Variants in UBR3 observed in about 807,000 individuals in gnomAD.
UBR3 encodes the protein E3 ubiquitin-protein ligase UBR3.
UBR3 carries 85 observed loss-of-function variants against 243.2 expected under a neutral mutation model. That is an observed-to-expected ratio of 0.35 (90% CI 0.29 to 0.42). The LOEUF is 0.42. Among genes scored for constraint, UBR3 ranks in the 10% least tolerant of loss-of-function variants. The pLI, the probability that UBR3 is intolerant of heterozygous loss-of-function variation, is 1.00. For synonymous variants in UBR3, 748 were observed against 799.8 expected, an observed-to-expected ratio of 0.94 and a Z score of 1.09; for missense variants, 1,686 against 2,300.8, an observed-to-expected ratio of 0.73 and a Z score of 5.47.
At chr2:170,039,015 T>C (rs903266059) in intron 31 of UBR3, among the ~76,000 whole-genome samples, 1 of 152,080 alleles carries the variant, frequency 6.6e-6, no homozygotes, top group Non-Finnish European at 1.5e-5. Context: ...TTGCTGGACA[T>C]ACAGTCATCA....
chr2:169,932,837 A>G (rs1298236370), intron 18 of UBR3, 75 bp from the exon 19 acceptor site: 1 of 1,235,616 alleles, frequency 8.1e-7, no homozygotes, highest in African/African-American at 1.5e-5. Flanking sequence ...AAATATACTT[A>G]ACAAATGTAA....
intron 32 of UBR3, among the ~76,000 whole-genome samples, chr2:170,049,092 A>G (rs1481732315): frequency 2.0e-5 from 3 of 152,154 alleles, no homozygotes; most frequent in Non-Finnish European, 4.4e-5. Context: ...CCACTCCACC[A>G]TGCAGTTGAA....
At chr2:169,914,872 GTTTT>G (rs202002809) in intron 11 of UBR3, among the ~76,000 whole-genome samples, 4 of 56,602 alleles carry the variant, frequency 7.1e-5, no homozygotes, top group African/African-American at 1.6e-4. Context: ...GTGTGTGTGT[GTTTT>G]TTTTCCTTTC....
intron 11 of UBR3, among the ~76,000 whole-genome samples, chr2:169,915,343 C>G (rs543440121): frequency 1.3e-5 from 2 of 152,284 alleles, no homozygotes; most frequent in African/African-American, 4.8e-5. Flanking sequence ...AAACAATTCT[C>G]CTGTCTCAGC....
chr2:169,895,852 G>A (rs918715623), intron 7 of UBR3, among the ~76,000 whole-genome samples: 1 of 152,040 alleles, frequency 6.6e-6, no homozygotes, highest in Non-Finnish European at 1.5e-5. Flanking sequence ...GCAAAATGAC[G>A]AAGCTCGGTG....
At chr2:170,000,897 GCATTAA>G (rs2089671493) in intron 26 of UBR3, among the ~76,000 whole-genome samples, 1 of 152,168 alleles carries the variant, frequency 6.6e-6, no homozygotes, top group South Asian at 2.1e-4. Flanking sequence ...CGAGAGAGTA[GCATTAA>G]ACCAGAGGAA....
At chr2:170,016,813 T>A (rs763965943) in intron 30 of UBR3, 10 of 653,320 alleles carry the variant, frequency 1.5e-5, no homozygotes, top group Non-Finnish European at 1.6e-5. Context: ...TAATTTAAAT[T>A]GTTAAATTTA....
chr2:169,838,306 G>A (rs2082171860), intron 1 of UBR3, among the ~76,000 whole-genome samples: 1 of 151,886 alleles, frequency 6.6e-6, no homozygotes, highest in South Asian at 2.1e-4. Flanking sequence ...TGTTTGTGCT[G>A]CTGTTACATC....
intron 24 of UBR3, among the ~76,000 whole-genome samples, chr2:169,960,106 G>A (rs1306776748): frequency 6.6e-6 from 1 of 151,780 alleles, no homozygotes; most frequent in Admixed American, 6.6e-5. Context: ...AAAAAAATTA[G>A]CTGGGCTTGG....
At chr2:169,909,397 A>G (rs2085159771) in intron 10 of UBR3, among the ~76,000 whole-genome samples, 1 of 152,128 alleles carries the variant, frequency 6.6e-6, no homozygotes, top group African/African-American at 2.4e-5. Context: ...TAAATAGACC[A>G]ATTAAGAGGC....
chr2:170,032,826 C>T (rs1261483099), intron 31 of UBR3, among the ~76,000 whole-genome samples: 1 of 151,784 alleles, frequency 6.6e-6, no homozygotes, highest in African/African-American at 2.4e-5. Context: ...TGCCAAGTTT[C>T]TGCACTGTAA....
intron 24 of UBR3, among the ~76,000 whole-genome samples, chr2:169,982,024 A>T (rs2088759863): frequency 6.6e-6 from 1 of 152,172 alleles, no homozygotes; most frequent in Non-Finnish European, 1.5e-5. Context: ...CTGGTAGTGT[A>T]CTTAGTTTAT....
In UBR3 at chr2:170,061,356, A is replaced by G. The variant is rs939959797; in HGVS notation, c.4932A>G (p.Lys1644=). ...CTTGGTCTCCTGAATCCATGGAAAA[A>G]TGCTTACAGGACTTCTGCTTACCTT... ...PIAWSPESME[K]CLQDFCLPFL... Residue 1644 remains lysine (K), a synonymous_variant, in exon 35 of 39, where the codon AAA becomes AAG. Coordinates refer to ENST00000272793, the MANE Select transcript of UBR3 (RefSeq NM_172070.4). 9 of 1,614,136 alleles carry G rather than the reference A, an allele frequency of 5.6e-6. No homozygotes were observed. The highest frequency in any genetic ancestry group is 7.6e-6 in the Non-Finnish European group (9 of 1,180,012).
intron 5 of UBR3, among the ~76,000 whole-genome samples, chr2:169,890,591 A>ATATATG (rs2084335887): frequency 2.0e-5 from 2 of 102,136 alleles, no homozygotes; most frequent in Non-Finnish European, 4.1e-5. Flanking sequence ...GTATATATAT[A>ATATATG]TGTATATATA....
chr2:169,830,444 C>T (rs989326554), intron 1 of UBR3, among the ~76,000 whole-genome samples: 1 of 152,112 alleles, frequency 6.6e-6, no homozygotes, highest in Non-Finnish European at 1.5e-5. Context: ...CTTATTTATT[C>T]TTTGACTCTG....
In UBR3 at chr2:170,082,211, C is replaced by A. The variant is rs2091919224; in HGVS notation, c.*368C>A. On this transcript the variant is annotated 3_prime_UTR_variant, in exon 39 of 39. Coordinates refer to ENST00000272793, the MANE Select transcript of UBR3 (RefSeq NM_172070.4). ...TTATTTGACATTTTACTGCTTCTTT[C>A]TGTCTGTGTGTTTTAATTTGCATCT... 6.2e-6 allele frequency: 1 copy of A among 162,594 alleles called. No homozygotes were observed. The allele number at this position is 162,594 out of a possible 1,614,324, so 10.1% of individuals were successfully genotyped here. A position where few individuals can be genotyped will look rare whatever the true frequency, so the allele number is the denominator to read the frequency against.
intron 5 of UBR3, among the ~76,000 whole-genome samples, chr2:169,884,739 G>A (rs1295918952): frequency 6.6e-6 from 1 of 151,852 alleles, no homozygotes; most frequent in Non-Finnish European, 1.5e-5. Context: ...AATTGAGTTT[G>A]CGCGATTTAT....
At chr2:169,889,388 T>G (rs912921382) in intron 5 of UBR3, among the ~76,000 whole-genome samples, 6 of 152,192 alleles carry the variant, frequency 3.9e-5, no homozygotes, top group Non-Finnish European at 8.8e-5. Context: ...AATTATGAAA[T>G]AATTCTCACC....
At chr2:169,840,660 G>T (rs1028767964) in intron 1 of UBR3, among the ~76,000 whole-genome samples, 1 of 152,144 alleles carries the variant, frequency 6.6e-6, no homozygotes, top group Non-Finnish European at 1.5e-5. Flanking sequence ...ACTAGGCATT[G>T]CCTTCGTGTG....
Sources: gnomAD v4.1 joint callset for allele counts (sites outside exome capture counted in the v4.1 genomes callset) on GRCh38, gnomAD v4.1.1 for gene constraint, MANE v1.5 for transcripts, NCBI Gene and HGNC (gene_info 2026-07-23, HGNC 2026-07-21) for gene names.